The following PTPRT variants were observed in gnomAD, a reference collection of about 807,000 sequenced individuals.
The protein encoded by PTPRT is receptor-type tyrosine-protein phosphatase T.
Under a neutral mutation model 176.8 loss-of-function variants are expected in PTPRT, and 56 were observed. That is an observed-to-expected ratio of 0.32 (90% CI 0.26 to 0.40). The LOEUF is 0.40. Ranked by LOEUF, PTPRT falls within the 10% of genes least tolerant of loss-of-function variation. PTPRT has a pLI of 1.00. For synonymous variants in PTPRT, 783 were observed against 739.0 expected (o/e 1.06, Z -0.96); for missense variants, 1,540 against 1,908.2 (o/e 0.81, Z 3.60).
chr20:42,917,697 C>G (rs530242672), intron 1 of PTPRT, among the ~76,000 whole-genome samples: 1 of 152,080 alleles, frequency 6.6e-6, no homozygotes, highest in South Asian at 2.1e-4. Context: ...TCACCTGTAC[C>G]TTGGTACTTG....
At chr20:42,772,798 CAAT>C (rs1305554881) in intron 4 of PTPRT, among the ~76,000 whole-genome samples, 1 of 152,188 alleles carries the variant, frequency 6.6e-6, no homozygotes, top group Admixed American at 6.5e-5. Flanking sequence ...CAAATAGTAA[CAAT>C]AATGTCATTT....
intron 16 of PTPRT, among the ~76,000 whole-genome samples, chr20:42,197,496 G>A (rs1991277407): frequency 6.6e-6 from 1 of 151,268 alleles, no homozygotes; most frequent in Non-Finnish European, 1.5e-5. Context: ...TGAGCGCTCT[G>A]ATTGGATCCT....
chr20:42,950,557 C>T (rs998975665), intron 1 of PTPRT, among the ~76,000 whole-genome samples: 6 of 152,168 alleles, frequency 3.9e-5, no homozygotes, highest in Admixed American at 6.5e-5. Context: ...CTCCAAACCC[C>T]AACCTGAGAG....
rs761289845 is a variant in PTPRT, at chr20:42,867,390, A to ATT, written c.214+18415_214+18416dup. Among the ~76,000 whole-genome samples the ATT allele has an allele frequency of 1.4e-3, 143 of 102,184 alleles. 4 individuals are homozygous for ATT. The highest frequency in any genetic ancestry group is 4.8e-3 in the African/African-American group (118 of 24,338). The allele number at this position is 102,184 out of a possible 152,430, so 67.0% of individuals were successfully genotyped here. A position where few individuals can be genotyped will look rare whatever the true frequency, so the allele number is the denominator to read the frequency against. On this transcript the variant is annotated intron_variant, in intron 2 of 30. Transcript: ENST00000373187. Reference sequence around the variant, plus strand: ...TTTCTTCTATGTGAAAAGAACACAGATTTTTTTTTTTTTTTTTTTTTTTTT... The same window carrying ATT: ...TTTCTTCTATGTGAAAAGAACACAGATTTTTTTTTTTTTTTTTTTTTTTTTTT...
chr20:43,107,509 C>T (rs979216455), intron 1 of PTPRT, among the ~76,000 whole-genome samples: 1 of 152,312 alleles, frequency 6.6e-6, no homozygotes. Flanking sequence ...AAAATTTAGA[C>T]TAAGTGGTGT....
At chr20:42,668,696 C>T (rs1274219061) in intron 7 of PTPRT, among the ~76,000 whole-genome samples, 3 of 141,012 alleles carry the variant, frequency 2.1e-5, no homozygotes, top group Non-Finnish European at 4.6e-5. Context: ...GCGGATAATT[C>T]TTTTTTTTTT....
chr20:42,357,846 C>T (rs890052710), intron 9 of PTPRT, among the ~76,000 whole-genome samples: 1 of 152,000 alleles, frequency 6.6e-6, no homozygotes, highest in Admixed American at 6.6e-5. Context: ...CCCTGGAGGT[C>T]GAGGCTGCAG....
intron 7 of PTPRT, among the ~76,000 whole-genome samples, chr20:42,478,088 G>T (rs2071322665): frequency 1.3e-5 from 2 of 152,170 alleles, no homozygotes; most frequent in African/African-American, 4.8e-5. Context: ...AGTGGCCGTT[G>T]GCCTAAGGAT....
intron 9 of PTPRT, among the ~76,000 whole-genome samples, chr20:42,437,977 A>C (rs191527682): frequency 1.1e-3 from 162 of 152,310 alleles, no homozygotes; most frequent in Non-Finnish European, 1.9e-3. Flanking sequence ...AAAGAGAACA[A>C]CTTGTGATGT....
intron 1 of PTPRT, among the ~76,000 whole-genome samples, chr20:42,965,293 C>A (rs1016494401): frequency 1.3e-5 from 2 of 152,112 alleles, no homozygotes; most frequent in Non-Finnish European, 2.9e-5. Context: ...AATAATGCCA[C>A]GATGACCTAC....
At chr20:43,029,015 G>A (rs1986031280) in intron 1 of PTPRT, among the ~76,000 whole-genome samples, 1 of 152,150 alleles carries the variant, frequency 6.6e-6, no homozygotes, top group African/African-American at 2.4e-5. Flanking sequence ...GTCAGGGCAG[G>A]AAAAGAGGAG....
At chr20:43,105,173 C>T (rs548322298) in intron 1 of PTPRT, among the ~76,000 whole-genome samples, 4 of 152,216 alleles carry the variant, frequency 2.6e-5, no homozygotes, top group African/African-American at 4.8e-5. Context: ...ATACTAGAAA[C>T]GCAAATTTTC....
chr20:42,767,932 ATAT>A (rs1192298463), intron 5 of PTPRT, among the ~76,000 whole-genome samples: 1 of 146,716 alleles, frequency 6.8e-6, no homozygotes, highest in African/African-American at 2.5e-5. Context: ...TACATGATAT[ATAT>A]TATAACATAC....
chr20:42,302,719 C>T (rs1423163256), intron 12 of PTPRT, among the ~76,000 whole-genome samples: 1 of 152,200 alleles, frequency 6.6e-6, no homozygotes, highest in Non-Finnish European at 1.5e-5. Flanking sequence ...TGACTCACAA[C>T]AAGCCCATAA....
intron 16 of PTPRT, 108 bp from the exon 17 acceptor site, chr20:42,161,650 G>C: frequency 1.9e-6 from 2 of 1,048,388 alleles, no homozygotes; most frequent in Non-Finnish European, 1.4e-6. Flanking sequence ...ACCAACTTGG[G>C]ACTCAACTGA....
At chr20:42,148,260 A>ATTTTTTTTTTTT (rs34255255) in intron 17 of PTPRT, among the ~76,000 whole-genome samples, 1 of 114,078 alleles carries the variant, frequency 8.8e-6, no homozygotes, top group Non-Finnish European at 1.8e-5. Flanking sequence ...CAAGGCAGTC[A>ATTTTTTTTTTTT]TTTTTTTTTT....
chr20:42,057,291 C>A, the PTPRT span, among the ~76,000 whole-genome samples: 1 of 151,952 alleles, frequency 6.6e-6, no homozygotes, highest in African/African-American at 2.4e-5. Context: ...GGTAGAGGAG[C>A]CTGGTGGGCG....
intron 9 of PTPRT, among the ~76,000 whole-genome samples, chr20:42,393,339 G>T (rs1440771546): frequency 6.6e-6 from 1 of 152,118 alleles, no homozygotes; most frequent in Non-Finnish European, 1.5e-5. Flanking sequence ...GTATATTAGG[G>T]AATAATTTGA....
intron 12 of PTPRT, among the ~76,000 whole-genome samples, chr20:42,284,394 T>G (rs1192702857): frequency 3.9e-5 from 6 of 151,984 alleles, no homozygotes; most frequent in Non-Finnish European, 5.9e-5. Context: ...CACTACAATT[T>G]CCATCTTCTT....
Sources: allele counts gnomAD v4.1 joint callset (sites outside exome capture counted in the v4.1 genomes callset), GRCh38; gene constraint gnomAD v4.1.1; transcripts MANE v1.5; gene names NCBI Gene and HGNC (gene_info 2026-07-23, HGNC 2026-07-21).